The following CDK18 variants were observed in gnomAD, a reference collection of about 807,000 sequenced individuals.
The protein encoded by CDK18 is cyclin-dependent kinase 18.
Under a neutral mutation model 62.0 loss-of-function variants are expected in CDK18, and 52 were observed. That is an observed-to-expected ratio of 0.84 (90% CI 0.67 to 1.06). The LOEUF is 1.06. CDK18 is among the 50% of genes least tolerant of loss of function. The pLI, the probability that CDK18 is intolerant of heterozygous loss-of-function variation, is 0.00. For synonymous variants in CDK18, 237 were observed against 247.0 expected (o/e 0.96, Z 0.38); for missense variants, 604 against 619.9 (o/e 0.97, Z 0.27).
In CDK18 at chr1:205,527,231, A is replaced by G; in HGVS notation, c.729+394A>G. 1 of 233,340 alleles carries G rather than the reference A, an allele frequency of 4.3e-6. No homozygotes were observed. Among genetic ancestry groups the G allele is most frequent in the South Asian group, 7.4e-5 (1 of 13,468 alleles). The allele number at this position is 233,340 out of a possible 1,614,324, so 14.5% of individuals were successfully genotyped here. A position where few individuals can be genotyped will look rare whatever the true frequency, so the allele number is the denominator to read the frequency against. On this transcript the variant is annotated intron_variant, in intron 8 of 15. Coordinates refer to ENST00000429964, the MANE Select transcript of CDK18 (RefSeq NM_212502.3). This position sits in a 1 kb window ranked among gnomAD's most constrained non-coding sequence, Gnocchi z 4.1. Reference sequence around the variant, plus strand: ...CATGGTGGCCCACGCCTGTAATCCCAGCACTGGGAGGCCAAGGCAGGAAGA... The same window carrying G: ...CATGGTGGCCCACGCCTGTAATCCCGGCACTGGGAGGCCAAGGCAGGAAGA...
rs1667856796 is a variant in CDK18, at chr1:205,517,052, TG to T, written c.-21-6093del. 1 of 152,328 alleles carries T rather than the reference TG, an allele frequency of 6.6e-6. No individual in the cohort carries two copies. The highest frequency in any genetic ancestry group is 6.5e-5 in the Admixed American group (1 of 15,292). The allele number at this position is 152,328 out of a possible 1,614,324, so 9.4% of individuals were successfully genotyped here. A position where few individuals can be genotyped will look rare whatever the true frequency, so the allele number is the denominator to read the frequency against. On this transcript the variant is annotated intron_variant, in intron 1 of 15. Coordinates refer to ENST00000429964, the MANE Select transcript of CDK18 (RefSeq NM_212502.3). The surrounding 1 kb of genome is among the most constrained non-coding windows in gnomAD (Gnocchi z 4.1). The stretch of plus-strand genomic sequence containing the variant: ...CAAGGCAGGTATTAGGTCTGTGGCC[TG>T]GCACAGGTTGTCCCAGCAGTCAGTG...
intron 8 of CDK18, 70 bp downstream of exon 8, chr1:205,526,907 C>A: frequency 8.0e-7 from 1 of 1,254,038 alleles, no homozygotes; most frequent in Non-Finnish European, 1.2e-6. Context: ...TGGGGACCCA[C>A]TCTCACCACC....
In CDK18 at chr1:205,529,211, A is replaced by AC. The variant is rs1391641005; in HGVS notation, c.1073-108dup. ...TCGGCCGCCTCTCTCCCGGGCGGGG[A>AC]CCCCCTGTGGCCTCGGCCATCTTTG... On this transcript the variant is annotated intron_variant, in intron 11 of 15. Transcript: ENST00000429964. The AC allele has an allele frequency of 2.9e-5, 39 of 1,325,948 alleles. No homozygotes were observed. The East Asian group carries it at 3.5e-4, about 12-fold the overall frequency. 82.1% of individuals were successfully genotyped at this position (1,325,948 alleles called of 1,614,324 possible). A position where few individuals can be genotyped will look rare whatever the true frequency, so the allele number is the denominator to read the frequency against.
Position 205,528,617 on chromosome 1 carries a change from GC to G in CDK18, c.975-378del. The stretch of plus-strand genomic sequence containing the variant: ...GGTTATGAATGGCTGCTGTGACTCC[GC>G]CCCAAGGTTCCCCAGGAGAATGGAT... On this transcript the variant is annotated intron_variant, in intron 10 of 15. Transcript: ENST00000429964. The surrounding 1 kb of genome is among the most constrained non-coding windows in gnomAD (Gnocchi z 4.2). 1 of 269,456 alleles carries G rather than the reference GC, an allele frequency of 3.7e-6. No homozygotes were observed. Among genetic ancestry groups the G allele is most frequent in the East Asian group, 7.0e-5 (1 of 14,310 alleles). 16.7% of individuals were successfully genotyped at this position (269,456 alleles called of 1,614,324 possible). A position where few individuals can be genotyped will look rare whatever the true frequency, so the allele number is the denominator to read the frequency against.
intron 1 of CDK18, among the ~76,000 whole-genome samples, chr1:205,510,640 C>T (rs766370906): frequency 1.8e-4 from 28 of 152,244 alleles, no homozygotes; most frequent in Non-Finnish European, 2.6e-4. Context: ...GCCATCTCTA[C>T]GCAGGCCCAT....
rs758604272 is a variant in CDK18 at position 205,523,521 on chromosome 1, G to A, written c.169G>A (p.Glu57Lys). 1.9e-6 allele frequency: 3 copies of A among 1,606,610 alleles called. No homozygotes were observed. The highest frequency in any genetic ancestry group is 2.2e-5 in the East Asian group (1 of 44,642). ...TCCTCTTGGCAGAGACCCCCCGCAG[G>A]AGTGCAGCACCTTCTCCCCAACAGA... ...LGPLGRDPPQ[E>K]CSTFSPTDSG... The change falls in exon 3 of 16, where the codon GAG (glutamate) becomes AAG (lysine). Residue 57 changes from glutamate to lysine, a missense_variant. Transcript: ENST00000429964.
chr1:205,528,248 C>A lies in CDK18; in HGVS notation c.974+80C>A. On this transcript the variant is annotated intron_variant, in intron 10 of 15. Coordinates refer to ENST00000429964, the MANE Select transcript of CDK18 (RefSeq NM_212502.3). This position sits in a 1 kb window ranked among gnomAD's most constrained non-coding sequence, Gnocchi z 4.2. ...AGACTCTCCTTTGCTTCCCCAAGGG[C>A]CTCGGGGAAGAACTGCCTAACTTCC... 1 of 1,535,238 alleles carries A rather than the reference C, an allele frequency of 6.5e-7. No homozygotes were observed. The highest frequency in any genetic ancestry group is 8.9e-7 in the Non-Finnish European group (1 of 1,126,276).
At position 205,523,316 on chromosome 1, in the gene CDK18, C is replaced by A; in HGVS notation, c.130+19C>A. 6.2e-7 allele frequency: 1 copy of A among 1,613,896 alleles called. No homozygotes were observed. On this transcript the variant is annotated intron_variant, in intron 2 of 15. Coordinates refer to ENST00000429964, the MANE Select transcript of CDK18 (RefSeq NM_212502.3). ...AATGAGAGTGAGGGGTCTGGGCCCA[C>A]CCAGCACCTCTCCCACCTACCAGAC... is the stretch of plus-strand genomic sequence containing the variant.
intron 5 of CDK18, among the ~76,000 whole-genome samples, chr1:205,525,629 A>G (rs1219392438): frequency 6.6e-6 from 1 of 152,134 alleles, no homozygotes; most frequent in African/African-American, 2.4e-5. Flanking sequence ...TAATCAGCTT[A>G]TGTACGGCAC....
At chr1:205,510,016 G>C (rs549594426) in intron 1 of CDK18, among the ~76,000 whole-genome samples, 2 of 151,766 alleles carry the variant, frequency 1.3e-5, no homozygotes, top group African/African-American at 4.8e-5. Flanking sequence ...GGAGGCAGAG[G>C]TTGCAGTGAG....
At chr1:205,519,480 T>C (rs978263323) in intron 1 of CDK18, among the ~76,000 whole-genome samples, 1 of 150,166 alleles carries the variant, frequency 6.7e-6, no homozygotes, top group African/African-American at 2.5e-5. Context: ...AGGAAGTCCA[T>C]CCTACATCTG....
At position 205,525,120 on chromosome 1, in the gene CDK18, CTA is replaced by C. The variant is rs779145441; in HGVS notation, c.400-17_400-16del. On this transcript the variant is annotated splice_polypyrimidine_tract_variant and intron_variant, in intron 4 of 15. Coordinates refer to ENST00000429964, the MANE Select transcript of CDK18 (RefSeq NM_212502.3). ...CTAAGGGCTTCAAGCTCACGGCATT[CTA>C]TGTCTCTCCCTCTCAGTCAGACATT... is the stretch of plus-strand genomic sequence containing the variant. 3.8e-6 allele frequency: 6 copies of C among 1,597,992 alleles called. No homozygotes were observed. Among genetic ancestry groups the C allele is most frequent in the Admixed American group, 1.7e-5 (1 of 59,572 alleles).
At chr1:205,509,366 A>G (rs1667461342) in intron 1 of CDK18, among the ~76,000 whole-genome samples, 2 of 152,144 alleles carry the variant, frequency 1.3e-5, no homozygotes, top group Non-Finnish European at 2.9e-5. Context: ...GATAGACAAG[A>G]TGACCCAATA....
Position 205,513,323 on chromosome 1 carries a change from G to A in CDK18, c.-22+8527G>A, listed in dbSNP as rs939480611. Among the ~76,000 whole-genome samples the A allele has an allele frequency of 4.6e-5, 7 of 152,302 alleles. No homozygotes were observed. In the South Asian group the frequency reaches 1.2e-3, roughly 27 times the overall value. On this transcript the variant is annotated intron_variant, in intron 1 of 15. Coordinates refer to ENST00000429964, the MANE Select transcript of CDK18 (RefSeq NM_212502.3). Reference sequence around the variant, plus strand: ...GGAGATGGAGGCCAGGCCTATCCTGGCCCTTGCCCCTTGCTCTGGTCTCTG... The same window carrying A: ...GGAGATGGAGGCCAGGCCTATCCTGACCCTTGCCCCTTGCTCTGGTCTCTG...
In CDK18 at chr1:205,529,947, A is replaced by T; in HGVS notation, c.1222-312A>T. ...ACGATGAAGGGTTGTTATCGGCACT[A>T]CGCTTCCTGTTACGGATGTTCTCCA... On this transcript the variant is annotated intron_variant, in intron 13 of 15. Coordinates refer to ENST00000429964, the MANE Select transcript of CDK18 (RefSeq NM_212502.3). 6 of 1,379,912 alleles carry T rather than the reference A, an allele frequency of 4.3e-6. No individual in the cohort carries two copies. The South Asian group carries it at 9.2e-5, about 21-fold the overall frequency. 85.5% of individuals were successfully genotyped at this position (1,379,912 alleles called of 1,614,324 possible). A position where few individuals can be genotyped will look rare whatever the true frequency, so the allele number is the denominator to read the frequency against.
In CDK18 at chr1:205,530,657, C is replaced by T. The variant is rs1668693288; in HGVS notation, c.1342C>T (p.Gln448Ter). The T allele has an allele frequency of 6.2e-7, 1 of 1,613,838 alleles. No individual in the cohort carries two copies. The highest frequency in any genetic ancestry group is 8.5e-7 in the Non-Finnish European group (1 of 1,180,022). ...CTCCATCTTCTCCCTGAAGGAGATC[C>T]AGCTCCAGAAGGACCCAGGCTACCG... ...TASIFSLKEI[Q>*]LQKDPGYRGL... Residue 448 changes from glutamine (Q) to a stop codon, truncating the protein, a stop_gained, in exon 15 of 16, where the codon CAG (glutamine) becomes TAG (stop). Transcript: ENST00000429964. LOFTEE classifies it high-confidence loss of function.
rs1291711656 is a variant in CDK18 at position 205,529,306 on chromosome 1, C to A, written c.1073-18C>A. On this transcript the variant is annotated intron_variant, in intron 11 of 15. Transcript: ENST00000429964. ...TGGGCCTCACGCAGGCCCTCCCCACCCTCTCTCGTCTCCCCAGGGACCCCC... is the reference window on the plus strand; with the variant it reads ...TGGGCCTCACGCAGGCCCTCCCCACACTCTCTCGTCTCCCCAGGGACCCCC... 2 of 1,605,992 alleles carry A rather than the reference C, an allele frequency of 1.2e-6. No individual in the cohort carries two copies. Among genetic ancestry groups the A allele is most frequent in the African/African-American group, 1.3e-5 (1 of 74,910 alleles).
chr1:205,518,140 C>T (rs1019809502), intron 1 of CDK18, among the ~76,000 whole-genome samples: 11 of 152,170 alleles, frequency 7.2e-5, no homozygotes, highest in Admixed American at 6.5e-4. Context: ...GGGAGGCCTT[C>T]TTGACCACCC....
At chr1:205,524,093 C>A in intron 3 of CDK18, 139 bp from the exon 4 acceptor site, 1 of 1,003,836 alleles carries the variant, frequency 1.0e-6, no homozygotes, top group Non-Finnish European at 1.5e-6. Context: ...AGCTGTGAGC[C>A]TGGGGTCACA....
Sources: allele counts gnomAD v4.1 joint callset (sites outside exome capture counted in the v4.1 genomes callset), GRCh38; gene constraint gnomAD v4.1.1; non-coding constraint Gnocchi (gnomAD v3.1); transcripts MANE v1.5; gene names NCBI Gene and HGNC (gene_info 2026-07-23, HGNC 2026-07-21).